LMF1: variants seen among roughly 807,000 people sequenced by gnomAD.
LMF1 encodes lipase maturation factor 1.
A neutral mutation model predicts 60.6 loss-of-function variants in LMF1; 68 were observed. That is an observed-to-expected ratio of 1.12 (90% confidence interval 0.92 to 1.37). The LOEUF (loss-of-function observed/expected upper bound fraction) is 1.37. Among genes scored for constraint, LMF1 ranks in the 40% most tolerant of loss-of-function variants. The probability of loss-of-function intolerance (pLI) is 0.00; values close to 1 mark genes in which losing one functional copy is unlikely to be tolerated. For synonymous variants in LMF1, 418 were observed against 324.7 expected, an observed-to-expected ratio of 1.29 and a Z score of -3.09; for missense variants, 948 against 767.2, an observed-to-expected ratio of 1.24 and a Z score of -2.78.
At chr16:960,613 C>T (rs1456248774) in intron 1 of LMF1, among the ~76,000 whole-genome samples, 5 of 46,852 alleles carry the variant, frequency 1.1e-4, no homozygotes, top group African/African-American at 2.4e-4. Flanking sequence ...GGTGACAACA[C>T]GGGATCACGA....
intron 2 of LMF1, among the ~76,000 whole-genome samples, chr16:936,943 C>CTAT (rs2071964015): frequency 1.3e-5 from 2 of 152,154 alleles, no homozygotes; most frequent in South Asian, 4.1e-4. Flanking sequence ...GCACTCCAGC[C>CTAT]TGGGCGACAG....
rs996554511 is a variant in LMF1 at position 922,672 on chromosome 16, T to C, written c.514+11572A>G. On this transcript the variant is annotated intron_variant, in intron 3 of 10. Coordinates refer to ENST00000262301, the MANE Select transcript of LMF1 (RefSeq NM_022773.4). Reference sequence around the variant, plus strand: ...AAGTCGCCTGGGTTTTCGGGTGTGATGTGGTATTGGTGTCGTGTTGTTGCG... The same window carrying C: ...AAGTCGCCTGGGTTTTCGGGTGTGACGTGGTATTGGTGTCGTGTTGTTGCG... Among the ~76,000 whole-genome samples the C allele has an allele frequency of 2.6e-4, 31 of 118,074 alleles. 3 individuals are homozygous for C. The highest frequency in any genetic ancestry group is 8.8e-3 in the Middle Eastern group (2 of 228). The allele number at this position is 118,074 out of a possible 152,430, so 77.5% of individuals were successfully genotyped here.
At chr16:908,653 C>T (rs920179072) in intron 4 of LMF1, among the ~76,000 whole-genome samples, 10 of 152,230 alleles carry the variant, frequency 6.6e-5, no homozygotes, top group Non-Finnish European at 1.3e-4. Flanking sequence ...TGGACAGAGG[C>T]TGAGCTCACC....
intron 1 of LMF1, among the ~76,000 whole-genome samples, chr16:969,595 C>T (rs1227434149): frequency 2.0e-5 from 3 of 152,366 alleles, no homozygotes; most frequent in African/African-American, 7.2e-5. Flanking sequence ...TCCTTCCACA[C>T]GTGAGGGAAG....
intron 2 of LMF1, among the ~76,000 whole-genome samples, chr16:934,961 G>A (rs1321134123): frequency 2.6e-5 from 4 of 152,212 alleles, no homozygotes; most frequent in African/African-American, 7.2e-5. Flanking sequence ...ACCAATGCCC[G>A]CATGAGGAGC....
Position 918,036 on chromosome 16 carries a change from C to T in LMF1, c.515-6957G>A, listed in dbSNP as rs1488463193. Among the ~76,000 whole-genome samples the T allele has an allele frequency of 7.2e-5, 11 of 152,232 alleles. 1 individual carries two copies. The highest frequency in any genetic ancestry group is 3.9e-4 in the Admixed American group (6 of 15,294). ...GGGGACATGGCGTCGGGACGTGGCG[C>T]GGGGCGGCTGGCTGGGTTAAACCAG... On this transcript the variant is annotated intron_variant, in intron 3 of 10. Transcript: ENST00000262301.
At chr16:941,671 A>C (rs1418918854) in intron 2 of LMF1, among the ~76,000 whole-genome samples, 3 of 152,302 alleles carry the variant, frequency 2.0e-5, no homozygotes, top group Non-Finnish European at 4.4e-5. Flanking sequence ...ACTGGAAGCA[A>C]ACATGTTTAA....
chr16:877,006 C>T (rs1454554366), intron 6 of LMF1, among the ~76,000 whole-genome samples: 2 of 152,212 alleles, frequency 1.3e-5, no homozygotes, highest in African/African-American at 4.8e-5. Flanking sequence ...TAAGCATGAC[C>T]TTGCTCCCCG....
At position 965,797 on chromosome 16, in the gene LMF1, G is replaced by A. The variant is rs1371085221; in HGVS notation, c.193+4991C>T. Among the ~76,000 whole-genome samples the A allele has an allele frequency of 2.0e-5, 3 of 152,194 alleles. No homozygotes were observed. The South Asian group carries it at 6.2e-4, about 32-fold the overall frequency. ...GGGCTGGAGGTGGGTAGAGGGGAAA[G>A]AAGGGGTAATGGCTGGAAAAGTGTC... On this transcript the variant is annotated intron_variant, in intron 1 of 10. Transcript: ENST00000262301.
chr16:879,655 T>C lies in LMF1; in HGVS notation c.812A>G (p.His271Arg). 6.2e-7 allele frequency: 1 copy of C among 1,612,670 alleles called. No homozygotes were observed. The highest frequency in any genetic ancestry group is 8.5e-7 in the Non-Finnish European group (1 of 1,179,498). The change falls in exon 6 of 11, where the codon CAC (histidine) becomes CGC (arginine). Residue 271 changes from histidine (H) to arginine (R), a missense_variant. Coordinates refer to ENST00000262301, the MANE Select transcript of LMF1 (RefSeq NM_022773.4). ...WFHRFETLSN[H>R]FIELLVPFFL... ...GAAGGGCACCAGGAGCTCGATGAAG[T>C]GGTTGCTGAGCGTCTCGAAGCGATG...
At chr16:926,901 G>A (rs1250459421) in intron 3 of LMF1, among the ~76,000 whole-genome samples, 1 of 152,194 alleles carries the variant, frequency 6.6e-6, no homozygotes, top group Non-Finnish European at 1.5e-5. Flanking sequence ...GGCACCCCGG[G>A]CCTATGCTGG....
intron 3 of LMF1, among the ~76,000 whole-genome samples, chr16:925,182 C>A (rs76743349): frequency 0.012 from 1,858 of 152,336 alleles, 23 homozygotes; most frequent in South Asian, 0.097. Context: ...AGAGCAGATG[C>A]CACCAAACAT....
chr16:877,544 A>G (rs910526746), intron 6 of LMF1, among the ~76,000 whole-genome samples: 1 of 152,210 alleles, frequency 6.6e-6, no homozygotes, highest in African/African-American at 2.4e-5. Flanking sequence ...GTTACAGACG[A>G]AACAACAAGT....
intron 2 of LMF1, among the ~76,000 whole-genome samples, chr16:934,783 G>A (rs907177411): frequency 3.3e-5 from 5 of 152,236 alleles, no homozygotes; most frequent in East Asian, 1.9e-4. Flanking sequence ...CAAGCAGCAC[G>A]GGTGTCTAGA....
rs113095907 is a variant in LMF1, at chr16:924,410, A to AT, written c.514+9833dup. On this transcript the variant is annotated intron_variant, in intron 3 of 10. Coordinates refer to ENST00000262301, the MANE Select transcript of LMF1 (RefSeq NM_022773.4). ...AATTTGACTATTCATGCACATGCCC[A>AT]TTTTTTTTTAATAATTAAAAGAACA... is the stretch of plus-strand genomic sequence containing the variant. 1.1e-4 allele frequency among the ~76,000 whole-genome samples: 17 copies of AT among 151,812 alleles called. No homozygotes were observed. In the East Asian group the frequency reaches 1.5e-3, roughly 14 times the overall value.
intron 1 of LMF1, among the ~76,000 whole-genome samples, chr16:958,219 C>G (rs921128474): frequency 6.6e-6 from 1 of 152,164 alleles, no homozygotes; most frequent in African/African-American, 2.4e-5. Context: ...AAAGCATAAT[C>G]TATGAAATTA....
chr16:883,620 G>A (rs905400747), intron 5 of LMF1, among the ~76,000 whole-genome samples: 5 of 152,174 alleles, frequency 3.3e-5, no homozygotes, highest in South Asian at 2.1e-4. Flanking sequence ...CTCAGCACTC[G>A]TACCCGTGTA....
At chr16:909,686 C>T (rs926419330) in intron 4 of LMF1, among the ~76,000 whole-genome samples, 2 of 152,338 alleles carry the variant, frequency 1.3e-5, no homozygotes, top group South Asian at 4.1e-4. Context: ...GTGGCCAGTG[C>T]TGTCTTAGGA....
At chr16:958,578 G>A (rs972611386) in intron 1 of LMF1, among the ~76,000 whole-genome samples, 2 of 152,154 alleles carry the variant, frequency 1.3e-5, no homozygotes, top group Non-Finnish European at 2.9e-5. Context: ...TCACATGGCC[G>A]AAGTGCTTGA....
Sources: gnomAD v4.1 joint callset for allele counts (sites outside exome capture counted in the v4.1 genomes callset) on GRCh38, gnomAD v4.1.1 for gene constraint, MANE v1.5 for transcripts, NCBI Gene and HGNC (gene_info 2026-07-23, HGNC 2026-07-21) for gene names.